The following DCUN1D4 variants were observed in gnomAD, a reference collection of about 807,000 sequenced individuals.
DCUN1D4 encodes the protein DCN1-like protein 4.
DCUN1D4 carries 22 observed loss-of-function variants against 47.9 expected under a neutral mutation model. The observed-to-expected ratio is 0.46, with a 90% CI of 0.33 to 0.66. The LOEUF is 0.66. Among genes scored for constraint, DCUN1D4 ranks in the 30% least tolerant of loss-of-function variants. DCUN1D4 has a pLI of 0.02. For synonymous variants in DCUN1D4, 121 were observed against 112.2 expected, an observed-to-expected ratio of 1.08 and a Z score of -0.50; for missense variants, 301 against 340.8, an observed-to-expected ratio of 0.88 and a Z score of 0.92.
At chr4:51,861,063 GTACCTGACA>G (rs1191191210) in intron 1 of DCUN1D4, among the ~76,000 whole-genome samples, 2 of 152,168 alleles carry the variant, frequency 1.3e-5, no homozygotes, top group Non-Finnish European at 2.9e-5. Flanking sequence ...ATTGTAATGG[GTACCTGACA>G]TACCTAGACA....
At position 51,863,427 on chromosome 4, in the gene DCUN1D4, T is replaced by A. The variant is rs1049485663; in HGVS notation, c.26-10T>A. 5 of 1,604,610 alleles carry A rather than the reference T, an allele frequency of 3.1e-6. No homozygotes were observed. Among genetic ancestry groups the A allele is most frequent in the Non-Finnish European group, 4.3e-6 (5 of 1,174,680 alleles). The stretch of plus-strand genomic sequence containing the variant: ...AAATGACGCTGACATTTTTCCTTTT[T>A]CTTTTCAAGATTTTCAGCTGAACTC... On this transcript the variant is annotated splice_polypyrimidine_tract_variant and intron_variant, in intron 1 of 10. Coordinates refer to ENST00000334635, the MANE Select transcript of DCUN1D4 (RefSeq NM_001040402.3).
At chr4:51,839,755 T>C (rs554048681), upstream of DCUN1D4, among the ~76,000 whole-genome samples, 6 of 152,366 alleles carry the variant, frequency 3.9e-5, no homozygotes, top group Admixed American at 3.3e-4. Context: ...GACACATTTA[T>C]CTGTCTGTGC....
chr4:51,861,595 T>G (rs1560464610), intron 1 of DCUN1D4, among the ~76,000 whole-genome samples: 1 of 152,192 alleles, frequency 6.6e-6, no homozygotes, highest in Non-Finnish European at 1.5e-5. Context: ...GAGACCTCAT[T>G]GCTGGAATGG....
Position 51,915,669 on chromosome 4 carries a change from A to C in DCUN1D4, c.*2085A>C, listed in dbSNP as rs574994970. On this transcript the variant is annotated 3_prime_UTR_variant, in exon 11 of 11. Coordinates refer to ENST00000334635, the MANE Select transcript of DCUN1D4 (RefSeq NM_001040402.3). Reference sequence around the variant, plus strand: ...TTAAAGCAAATATAAATCATAGATGAAGTTATTTTAAACACTATGTTAGAA... The same window carrying C: ...TTAAAGCAAATATAAATCATAGATGCAGTTATTTTAAACACTATGTTAGAA... The C allele has an allele frequency of 6.5e-6, 1 of 152,722 alleles. No individual in the cohort carries two copies. The highest frequency in any genetic ancestry group is 1.5e-5 in the Non-Finnish European group (1 of 67,998). 9.5% of individuals were successfully genotyped at this position (152,722 alleles called of 1,614,324 possible).
chr4:51,903,889 C>G (rs755357259), intron 8 of DCUN1D4, among the ~76,000 whole-genome samples: 1 of 151,984 alleles, frequency 6.6e-6, no homozygotes, highest in African/African-American at 2.4e-5. Context: ...TTTTCTGCTT[C>G]GTTGAATTTC....
the DCUN1D4 span, among the ~76,000 whole-genome samples, chr4:51,836,370 GA>G: frequency 6.6e-6 from 1 of 152,166 alleles, no homozygotes; most frequent in Non-Finnish European, 1.5e-5. Flanking sequence ...GGGTTAGTTG[GA>G]AATAAATATT....
chr4:51,911,920 G>T (rs1733772843), intron 9 of DCUN1D4, among the ~76,000 whole-genome samples: 1 of 152,120 alleles, frequency 6.6e-6, no homozygotes, highest in South Asian at 2.1e-4. Flanking sequence ...GGATGAGGGT[G>T]TTGGGTCTTT....
intron 1 of DCUN1D4, among the ~76,000 whole-genome samples, chr4:51,846,628 A>G (rs1348836394): frequency 6.6e-6 from 1 of 152,244 alleles, no homozygotes; most frequent in African/African-American, 2.4e-5. Context: ...CAGTATAAAA[A>G]TCAACCTGTG....
chr4:51,853,360 A>C (rs1036624365), intron 1 of DCUN1D4, among the ~76,000 whole-genome samples: 1 of 152,228 alleles, frequency 6.6e-6, no homozygotes, highest in Admixed American at 6.5e-5. Flanking sequence ...GTAAATAGCA[A>C]ATATTTATTG....
intron 1 of DCUN1D4, 87 bp downstream of exon 1, chr4:51,843,354 C>A: frequency 7.0e-7 from 1 of 1,429,604 alleles, no homozygotes; most frequent in Non-Finnish European, 9.2e-7. Flanking sequence ...CCCCACGCCT[C>A]GGGTCCCGAA....
At position 51,891,787 on chromosome 4, in the gene DCUN1D4, T is replaced by C. The variant is rs186388153; in HGVS notation, c.442T>C (p.Leu148=). The part of the protein sequence containing the change: ...NVVMLVLAWK[L]DAQNMGYFTL... ...AGTTATGCTTGTCCTAGCTTGGAAA[T>C]TGGATGCACAAAACATGGGTTATTT... Residue 148 remains leucine (L), a synonymous_variant, in exon 7 of 11, where the codon TTG becomes CTG. Coordinates refer to ENST00000334635, the MANE Select transcript of DCUN1D4 (RefSeq NM_001040402.3). The C allele has an allele frequency of 1.5e-5, 24 of 1,613,138 alleles. No individual in the cohort carries two copies. Among genetic ancestry groups the C allele is most frequent in the African/African-American group, 6.7e-5 (5 of 74,996 alleles).
chr4:51,834,685 A>G, the DCUN1D4 span, among the ~76,000 whole-genome samples: 1 of 151,986 alleles, frequency 6.6e-6, no homozygotes, highest in East Asian at 1.9e-4. Flanking sequence ...CGAAAATGGG[A>G]GCAGTCTGTC....
the DCUN1D4 span, among the ~76,000 whole-genome samples, chr4:51,836,221 C>T: frequency 3.3e-5 from 5 of 152,268 alleles, no homozygotes; most frequent in Non-Finnish European, 7.4e-5. Flanking sequence ...GGTGGGGTAG[C>T]ATGAGTGGGT....
intron 3 of DCUN1D4, among the ~76,000 whole-genome samples, chr4:51,871,604 C>T (rs947927969): frequency 7.9e-5 from 12 of 152,172 alleles, no homozygotes; most frequent in African/African-American, 2.9e-4. Context: ...ACCGTGACTG[C>T]TATTGGAAGA....
Position 51,913,793 on chromosome 4 carries a change from A to C in DCUN1D4, c.*209A>C. ...AGGCTGCTTTGCAGTTTGTATTTAC[A>C]CTACAGATTGGTGAATTTGCCAACG... On this transcript the variant is annotated 3_prime_UTR_variant, in exon 11 of 11. Transcript: ENST00000334635. 2.0e-6 allele frequency: 1 copy of C among 490,288 alleles called. No individual in the cohort carries two copies. Among genetic ancestry groups the C allele is most frequent in the South Asian group, 4.2e-5 (1 of 23,552 alleles). The allele number at this position is 490,288 out of a possible 1,614,324, so 30.4% of individuals were successfully genotyped here.
chr4:51,890,993 G>A (rs1730333179), intron 6 of DCUN1D4, among the ~76,000 whole-genome samples: 1 of 152,216 alleles, frequency 6.6e-6, no homozygotes, highest in Admixed American at 6.5e-5. Flanking sequence ...TCCTTTACAA[G>A]TGATGACACC....
intron 3 of DCUN1D4, among the ~76,000 whole-genome samples, chr4:51,868,872 G>A (rs1239487117): frequency 6.6e-6 from 1 of 152,100 alleles, no homozygotes; most frequent in Non-Finnish European, 1.5e-5. Context: ...GTAATCCTAG[G>A]ACTTTGGGAG....
intron 3 of DCUN1D4, among the ~76,000 whole-genome samples, chr4:51,867,204 G>A (rs181796556): frequency 1.5e-3 from 225 of 152,312 alleles, no homozygotes; most frequent in African/African-American, 5.3e-3. Flanking sequence ...ACCTGGATGA[G>A]GGGAACAAGG....
At position 51,914,293 on chromosome 4, in the gene DCUN1D4, G is replaced by A. The variant is rs1237074041; in HGVS notation, c.*709G>A. 1 of 152,012 alleles carries A rather than the reference G, an allele frequency of 6.6e-6. No individual in the cohort carries two copies. Among genetic ancestry groups the A allele is most frequent in the Non-Finnish European group, 1.5e-5 (1 of 67,992 alleles). 9.4% of individuals were successfully genotyped at this position (152,012 alleles called of 1,614,324 possible). ...AGGTACCAATGAACAAATTCAAATTGCACCTCTTTTCTTAAAAGAATGGGA... is the reference window on the plus strand; with the variant it reads ...AGGTACCAATGAACAAATTCAAATTACACCTCTTTTCTTAAAAGAATGGGA... On this transcript the variant is annotated 3_prime_UTR_variant, in exon 11 of 11. Coordinates refer to ENST00000334635, the MANE Select transcript of DCUN1D4 (RefSeq NM_001040402.3).
Sources: allele counts gnomAD v4.1 joint callset (sites outside exome capture counted in the v4.1 genomes callset), GRCh38; gene constraint gnomAD v4.1.1; transcripts MANE v1.5; gene names NCBI Gene and HGNC (gene_info 2026-07-23, HGNC 2026-07-21).